Variants in ADAP1 observed in about 807,000 individuals in gnomAD.
ADAP1 encodes arf-GAP with dual PH domain-containing protein 1.
A neutral mutation model predicts 54.9 loss-of-function variants in ADAP1; 31 were observed. The ratio of observed to expected loss-of-function variants is 0.56; its 90% CI spans 0.42 to 0.76. ADAP1 has a LOEUF of 0.76. Ranked by LOEUF, ADAP1 falls within the 30% of genes least tolerant of loss-of-function variation. The pLI is 0.00. For synonymous variants in ADAP1, 313 were observed against 202.6 expected (o/e 1.55, Z -4.63); for missense variants, 535 against 512.4 (o/e 1.04, Z -0.42).
intron 1 of ADAP1, among the ~76,000 whole-genome samples, chr7:941,410 GA>G (rs1846936139): frequency 6.6e-6 from 1 of 152,092 alleles, no homozygotes; most frequent in Non-Finnish European, 1.5e-5. Context: ...GTAGAAAATA[GA>G]AAAGATTCTA....
intron 4 of ADAP1, among the ~76,000 whole-genome samples, chr7:912,443 G>A (rs1181674554): frequency 6.6e-6 from 1 of 152,190 alleles, no homozygotes; most frequent in Non-Finnish European, 1.5e-5. Context: ...TGGGGGAGGG[G>A]TGCGGCGCGT....
chr7:926,703 G>A lies in ADAP1; in HGVS notation c.214-59C>T. Reference sequence around the variant, plus strand: ...GGGTCCCAGGGGCAGCCTAGGAGGTGCCAGCTGCCCTTGGGGCCGTCACCA... The same window carrying A: ...GGGTCCCAGGGGCAGCCTAGGAGGTACCAGCTGCCCTTGGGGCCGTCACCA... On this transcript the variant is annotated intron_variant, in intron 2 of 10. Transcript: ENST00000265846. The surrounding 1 kb of genome is among the most constrained non-coding windows in gnomAD (Gnocchi z 4.6). 2.2e-6 allele frequency: 3 copies of A among 1,378,576 alleles called. No individual in the cohort carries two copies. The highest frequency in any genetic ancestry group is 2.9e-6 in the Non-Finnish European group (3 of 1,025,718). The allele number at this position is 1,378,576 out of a possible 1,614,324, so 85.4% of individuals were successfully genotyped here.
chr7:910,032 G>A (rs530757489), intron 4 of ADAP1, among the ~76,000 whole-genome samples: 2 of 152,172 alleles, frequency 1.3e-5, no homozygotes, highest in East Asian at 1.9e-4. Flanking sequence ...GTTCAGCATC[G>A]CCATGACCCA....
At chr7:914,946 C>T (rs1845870705) in intron 4 of ADAP1, among the ~76,000 whole-genome samples, 1 of 151,786 alleles carries the variant, frequency 6.6e-6, no homozygotes, top group Non-Finnish European at 1.5e-5. Flanking sequence ...TGTCAGTGGG[C>T]CCTGAGCACA....
At chr7:907,412 G>A (rs549050489) in intron 4 of ADAP1, among the ~76,000 whole-genome samples, 14 of 152,242 alleles carry the variant, frequency 9.2e-5, no homozygotes, top group Non-Finnish European at 1.3e-4. Flanking sequence ...CAGAGGACCC[G>A]TCCTGAGCCC....
intron 4 of ADAP1, among the ~76,000 whole-genome samples, chr7:909,853 T>G (rs1845647726): frequency 7.1e-6 from 1 of 140,124 alleles, no homozygotes. Context: ...TCCTATGGTG[T>G]GGGGTGGGGG....
chr7:917,967 A>G (rs1325416311), intron 4 of ADAP1, among the ~76,000 whole-genome samples: 1 of 152,102 alleles, frequency 6.6e-6, no homozygotes, highest in African/African-American at 2.4e-5. Flanking sequence ...AGTCCAAAAA[A>G]TGAGCAACAT....
At chr7:907,154 C>G (rs904384614) in intron 4 of ADAP1, among the ~76,000 whole-genome samples, 4 of 152,146 alleles carry the variant, frequency 2.6e-5, no homozygotes, top group African/African-American at 9.7e-5. Context: ...GCCCTCATCT[C>G]CGCCTGTGGC....
chr7:903,684 C>T (rs1368271163), intron 6 of ADAP1, among the ~76,000 whole-genome samples: 4 of 152,078 alleles, frequency 2.6e-5, no homozygotes, highest in Non-Finnish European at 4.4e-5. Flanking sequence ...ACACCAAGGG[C>T]AGCCAAAGGA....
intron 2 of ADAP1, among the ~76,000 whole-genome samples, chr7:931,302 T>C (rs1348958608): frequency 1.3e-5 from 2 of 152,118 alleles, no homozygotes; most frequent in Admixed American, 1.3e-4. Context: ...ATTGTCGAAA[T>C]ACATTAAATA....
At chr7:933,501 AGTGGTGCTGGAGAGCCGGGGGCCGG>A (rs1562932254) in intron 2 of ADAP1, among the ~76,000 whole-genome samples, 4 of 69,198 alleles carry the variant, frequency 5.8e-5, no homozygotes, top group Non-Finnish European at 1.4e-4. Flanking sequence ...GGCCGGGGTC[AGTGGTGCTGGAGAGCCGGGGGCCGG>A]GGGCCGGGGT....
intron 3 of ADAP1, among the ~76,000 whole-genome samples, chr7:921,398 C>T (rs955275795): frequency 2.0e-5 from 3 of 152,384 alleles, no homozygotes; most frequent in South Asian, 4.1e-4. Flanking sequence ...CACAGCTCAA[C>T]GCAGCCTCCA....
In ADAP1 at chr7:904,310, G is replaced by A. The variant is rs187646697; in HGVS notation, c.502-38C>T. On this transcript the variant is annotated intron_variant, in intron 5 of 10. Transcript: ENST00000265846. ...GGGGTCTAAGCACCTCACAGGGGCC[G>A]TCGTCCAAGCTCAAGGGAGCAGGAA... The A allele has an allele frequency of 6.0e-3, 9,129 of 1,530,604 alleles. 87 individuals carry two copies. Among genetic ancestry groups the A allele is most frequent in the Non-Finnish European group, 4.8e-3 (5,492 of 1,136,672 alleles). The allele number at this position is 1,530,604 out of a possible 1,614,324, so 94.8% of individuals were successfully genotyped here. A position where few individuals can be genotyped will look rare whatever the true frequency, so the allele number is the denominator to read the frequency against.
Position 899,274 on chromosome 7 carries a change from A to C in ADAP1, c.868-13T>G. 6.2e-7 allele frequency: 1 copy of C among 1,612,280 alleles called. No individual in the cohort carries two copies. The highest frequency in any genetic ancestry group is 8.5e-7 in the Non-Finnish European group (1 of 1,179,586). ...GGGCGAAGGCGTCCTGTGGGTGGGGACCGCACTGGAGGCGGGGCCATGTCC... is the reference window on the plus strand; with the variant it reads ...GGGCGAAGGCGTCCTGTGGGTGGGGCCCGCACTGGAGGCGGGGCCATGTCC... On this transcript the variant is annotated splice_polypyrimidine_tract_variant and intron_variant, in intron 9 of 10. Transcript: ENST00000265846.
chr7:936,995 G>T (rs1846780559), intron 1 of ADAP1, among the ~76,000 whole-genome samples: 1 of 152,196 alleles, frequency 6.6e-6, no homozygotes, highest in South Asian at 2.1e-4. Flanking sequence ...AGGAGGAGAG[G>T]CACCCAAGTG....
At chr7:902,254 C>T (rs7808492) in intron 6 of ADAP1, among the ~76,000 whole-genome samples, 132,158 of 150,044 alleles carry the variant, frequency 0.88, 58,367 homozygotes, top group East Asian at 1. Flanking sequence ...AGGTCGGGAG[C>T]TCGAGACCAG....
In ADAP1 at chr7:920,947, T is replaced by C. The variant is rs376185493; in HGVS notation, c.306-897A>G. The C allele has an allele frequency of 7.3e-7, 1 of 1,368,276 alleles. No homozygotes were observed. The allele number at this position is 1,368,276 out of a possible 1,614,324, so 84.8% of individuals were successfully genotyped here. On this transcript the variant is annotated intron_variant, in intron 3 of 10. Coordinates refer to ENST00000265846, the MANE Select transcript of ADAP1 (RefSeq NM_006869.4). This position sits in a 1 kb window ranked among gnomAD's most constrained non-coding sequence, Gnocchi z 4.5. ...CCTGCTGGGCCCACGTGAACAGCCT[T>C]GGAGACTGGGCGGGAATCCTCGCCC...
rs141250218 is a variant in ADAP1, at chr7:938,293, G to A, written c.83-2788C>T. On this transcript the variant is annotated intron_variant, in intron 1 of 10. Coordinates refer to ENST00000265846, the MANE Select transcript of ADAP1 (RefSeq NM_006869.4). The surrounding 1 kb of genome is among the most constrained non-coding windows in gnomAD (Gnocchi z 4.4). ...ACGCCTGGGCTCAAGCGATCCTCCT[G>A]CCTCAGCCTTCCAAGTAGCTGGGAC... 3.6e-3 allele frequency among the ~76,000 whole-genome samples: 554 copies of A among 152,234 alleles called. 3 individuals carry two copies. The highest frequency in any genetic ancestry group is 0.012 in the African/African-American group (505 of 41,540).
At chr7:930,652 C>G (rs1375550001) in intron 2 of ADAP1, among the ~76,000 whole-genome samples, 1 of 151,744 alleles carries the variant, frequency 6.6e-6, no homozygotes, top group Non-Finnish European at 1.5e-5. Context: ...AACCCCGTCT[C>G]TATTAAAAAT....
Sources: allele counts gnomAD v4.1 joint callset (sites outside exome capture counted in the v4.1 genomes callset), GRCh38; gene constraint gnomAD v4.1.1; non-coding constraint Gnocchi (gnomAD v3.1); transcripts MANE v1.5; gene names NCBI Gene and HGNC (gene_info 2026-07-23, HGNC 2026-07-21).